MDFIC: variants seen among roughly 807,000 people sequenced by gnomAD.
MDFIC encodes myoD family inhibitor domain-containing protein.
Under a neutral mutation model 23.2 loss-of-function variants are expected in MDFIC, and 17 were observed. That is an observed-to-expected ratio of 0.73 (90% CI 0.50 to 1.10). MDFIC has a LOEUF of 1.10. Among genes scored for constraint, MDFIC ranks in the 50% least tolerant of loss-of-function variants. The pLI, the probability that MDFIC is intolerant of heterozygous loss-of-function variation, is 0.00. For missense variants in MDFIC, 356 were observed against 316.6 expected, an observed-to-expected ratio of 1.12 and a Z score of -0.95; for synonymous variants, 120 against 115.2, an observed-to-expected ratio of 1.04 and a Z score of -0.27.
At chr7:114,922,832 G>C (rs955466325) in intron 1 of MDFIC, 95 bp from the exon 2 acceptor site, 2 of 1,412,918 alleles carry the variant, frequency 1.4e-6, no homozygotes, top group Non-Finnish European at 1.9e-6. Flanking sequence ...TGGAGTTTGA[G>C]GGAGGGAAGT....
intron 4 of MDFIC, among the ~76,000 whole-genome samples, chr7:114,991,250 T>C (rs149794352): frequency 0.28 from 42,710 of 151,900 alleles, 6,248 homozygotes; most frequent in Middle Eastern, 0.36. Context: ...TGGATATTAG[T>C]CCTTTGTCAG....
chr7:115,014,249 A>G, intron 4 of MDFIC: 1 of 985,432 alleles, frequency 1.0e-6, no homozygotes, highest in Non-Finnish European at 1.2e-6. Flanking sequence ...GCTTAGGGAT[A>G]GGCCTGCAGA....
chr7:114,970,770 G>A (rs546240526), intron 3 of MDFIC, among the ~76,000 whole-genome samples: 1 of 152,218 alleles, frequency 6.6e-6, no homozygotes, highest in Admixed American at 6.5e-5. Context: ...AAGTAACTTG[G>A]CTGCTGAAAT....
At chr7:114,947,987 T>C (rs926164152) in intron 3 of MDFIC, among the ~76,000 whole-genome samples, 23 of 152,322 alleles carry the variant, frequency 1.5e-4, no homozygotes, top group African/African-American at 5.1e-4. Context: ...TTGAGTTACA[T>C]GTCCAGACAG....
Position 114,922,908 on chromosome 7 carries a change from T to G in MDFIC, c.-107-19T>G. On this transcript the variant is annotated intron_variant, in intron 1 of 4. Coordinates refer to ENST00000393486, the MANE Select transcript of MDFIC (RefSeq NM_001166345.3). ...TCTAAAAACATTTTTTTTTTTAATT[T>G]TGTATATTTTTCCGCCAGAAGCAGT... 1 of 1,571,878 alleles carries G rather than the reference T, an allele frequency of 6.4e-7. No homozygotes were observed.
intron 3 of MDFIC, among the ~76,000 whole-genome samples, chr7:114,967,716 C>T (rs1426271635): frequency 6.6e-6 from 1 of 151,946 alleles, no homozygotes; most frequent in African/African-American, 2.4e-5. Flanking sequence ...AGTCGGTTTG[C>T]AGCCAATGTT....
intron 3 of MDFIC, among the ~76,000 whole-genome samples, chr7:114,960,182 A>G (rs1465966745): frequency 6.6e-6 from 1 of 152,218 alleles, no homozygotes; most frequent in Non-Finnish European, 1.5e-5. Context: ...TGAAGGGTCA[A>G]ATATGAAAAT....
Position 115,000,645 on chromosome 7 carries a change from T to G in MDFIC, c.494-15043T>G, listed in dbSNP as rs575524643. ...CAGCTTCTTTTTGCTTACATTAAAT[T>G]GAAATGATAAAAAAGGACATATTCA... On this transcript the variant is annotated intron_variant, in intron 4 of 4. Transcript: ENST00000393486. Among the ~76,000 whole-genome samples the G allele has an allele frequency of 2.2e-4, 33 of 152,322 alleles. No homozygotes were observed. In the East Asian group the frequency reaches 5.8e-3, roughly 27 times the overall value.
At chr7:114,983,234 C>T (rs941807807) in intron 4 of MDFIC, among the ~76,000 whole-genome samples, 2 of 152,154 alleles carry the variant, frequency 1.3e-5, no homozygotes, top group Admixed American at 1.3e-4. Flanking sequence ...CCCACTTTGA[C>T]AATGTGTTGT....
At chr7:115,008,565 C>T (rs1398727283) in intron 4 of MDFIC, among the ~76,000 whole-genome samples, 1 of 152,122 alleles carries the variant, frequency 6.6e-6, no homozygotes, top group African/African-American at 2.4e-5. Context: ...CCAATTTATT[C>T]AGGCAGCAGG....
intron 4 of MDFIC, among the ~76,000 whole-genome samples, chr7:114,999,318 G>A (rs369644499): frequency 2.2e-4 from 34 of 151,804 alleles, no homozygotes; most frequent in African/African-American, 7.7e-4. Flanking sequence ...TCAAACACCC[G>A]GAACTTTTCA....
At chr7:114,923,659 C>G (rs1270412281) in intron 2 of MDFIC, 2 of 1,419,656 alleles carry the variant, frequency 1.4e-6, no homozygotes, top group Non-Finnish European at 9.2e-7. Flanking sequence ...ATAAGAAACA[C>G]TTTCCAAGAA....
chr7:114,995,489 G>C (rs1435002245), intron 4 of MDFIC, among the ~76,000 whole-genome samples: 1 of 152,092 alleles, frequency 6.6e-6, no homozygotes, highest in Non-Finnish European at 1.5e-5. Context: ...TCTACCTTTG[G>C]TCTTTGATGA....
chr7:114,992,582 C>A (rs9778058), intron 4 of MDFIC, among the ~76,000 whole-genome samples: 8 of 152,080 alleles, frequency 5.3e-5, no homozygotes, highest in Admixed American at 4.6e-4. Flanking sequence ...TTTTCAAAGG[C>A]CTTTTCTGCA....
Position 114,922,556 on chromosome 7 carries a change from G to C in MDFIC, c.-188G>C. The C allele has an allele frequency of 1.6e-6, 2 of 1,268,832 alleles. No homozygotes were observed. Among genetic ancestry groups the C allele is most frequent in the Non-Finnish European group, 2.0e-6 (2 of 1,000,812 alleles). 78.6% of individuals were successfully genotyped at this position (1,268,832 alleles called of 1,614,324 possible). On this transcript the variant is annotated 5_prime_UTR_variant, in exon 1 of 5. Transcript: ENST00000393486. ...CCGGGGCGAAAATGCGGCCGCTGCC[G>C]GAGGCTCGCTAACTTTCCGGGGCGG... is the stretch of plus-strand genomic sequence containing the variant.
chr7:114,963,825 C>T (rs1353912766), intron 3 of MDFIC, among the ~76,000 whole-genome samples: 1 of 152,172 alleles, frequency 6.6e-6, no homozygotes, highest in Admixed American at 6.5e-5. Context: ...ACTGATCCTC[C>T]CGCCTTGGCC....
chr7:114,964,694 G>A (rs1793063198), intron 3 of MDFIC, among the ~76,000 whole-genome samples: 1 of 152,238 alleles, frequency 6.6e-6, no homozygotes, highest in South Asian at 2.1e-4. Context: ...GGGATTACAG[G>A]CACCCGCCAC....
chr7:114,980,928 A>G (rs1793406532), intron 4 of MDFIC, among the ~76,000 whole-genome samples: 2 of 152,222 alleles, frequency 1.3e-5, no homozygotes, highest in Admixed American at 1.3e-4. Flanking sequence ...TGTTAGGTTG[A>G]TCAAATGATA....
intron 2 of MDFIC, among the ~76,000 whole-genome samples, chr7:114,927,322 G>A (rs1792211855): frequency 1.7e-5 from 1 of 59,910 alleles, no homozygotes; most frequent in African/African-American, 7.1e-5. Context: ...TTTAAAAACA[G>A]TCCTTTTTTT....
Sources: gnomAD v4.1 joint callset for allele counts (sites outside exome capture counted in the v4.1 genomes callset) on GRCh38, gnomAD v4.1.1 for gene constraint, MANE v1.5 for transcripts, NCBI Gene and HGNC (gene_info 2026-07-23, HGNC 2026-07-21) for gene names.